The following PTPN1 variants were observed in gnomAD, a reference collection of about 807,000 sequenced individuals.
PTPN1 encodes the protein protein tyrosine phosphatase non-receptor type 1.
In PTPN1, 12 loss-of-function variants were observed where a neutral mutation model predicts 59.9. That is an observed-to-expected ratio of 0.20 (90% CI 0.13 to 0.32). The LOEUF is 0.32. Ranked by LOEUF, PTPN1 falls within the 10% of genes least tolerant of loss-of-function variation. The pLI is 1.00. For synonymous variants in PTPN1, 178 were observed against 203.6 expected, an observed-to-expected ratio of 0.87 and a Z score of 1.07; for missense variants, 356 against 549.2, an observed-to-expected ratio of 0.65 and a Z score of 3.52.
chr20:50,575,463 G>C (rs145145246), intron 5 of PTPN1, among the ~76,000 whole-genome samples: 6 of 152,202 alleles, frequency 3.9e-5, no homozygotes, highest in Non-Finnish European at 7.3e-5. Flanking sequence ...AGTTACCATG[G>C]GTGTGTAGCA....
chr20:50,561,486 T>C (rs762577379), intron 2 of PTPN1, 33 bp downstream of exon 2: 4 of 1,445,774 alleles, frequency 2.8e-6, no homozygotes, highest in African/African-American at 1.4e-5. Flanking sequence ...CCAGTCTTGC[T>C]CTTCCTTTGC....
At chr20:50,537,506 C>T (rs2082629349) in intron 1 of PTPN1, among the ~76,000 whole-genome samples, 1 of 152,174 alleles carries the variant, frequency 6.6e-6, no homozygotes, top group Non-Finnish European at 1.5e-5. Context: ...CAGTGTTACT[C>T]GTATCCACGT....
At chr20:50,556,135 T>C (rs1229701018) in intron 1 of PTPN1, among the ~76,000 whole-genome samples, 1 of 152,094 alleles carries the variant, frequency 6.6e-6, no homozygotes, top group Admixed American at 6.5e-5. Flanking sequence ...TTATTTACTC[T>C]TAGGTAGGTT....
intron 1 of PTPN1, among the ~76,000 whole-genome samples, chr20:50,530,688 A>ATT (rs1015765964): frequency 3.7e-4 from 50 of 135,784 alleles, no homozygotes; most frequent in African/African-American, 7.6e-4. Context: ...CGCCTGGCCA[A>ATT]TTTTTTTTTT....
intron 1 of PTPN1, among the ~76,000 whole-genome samples, chr20:50,556,339 C>G (rs533596889): frequency 2.0e-5 from 3 of 152,104 alleles, no homozygotes; most frequent in Admixed American, 1.3e-4. Context: ...CAGGTGCACG[C>G]CACCACACCC....
rs1568797597 is a variant in PTPN1, at chr20:50,578,638, GCCCTCGCGGGTGC to G, written c.702+12_702+24del. ...ATACCTGCCTCTTGCTGGTAAGGAG[GCCCTCGCGGGTGC>G]CCTGGGGAGCTCCTCTACCTGCTCT... On this transcript the variant is annotated intron_variant, in intron 6 of 9. Coordinates refer to ENST00000371621, the MANE Select transcript of PTPN1 (RefSeq NM_002827.4). The G allele has an allele frequency of 6.2e-7, 1 of 1,611,606 alleles. No homozygotes were observed. The highest frequency in any genetic ancestry group is 8.5e-7 in the Non-Finnish European group (1 of 1,178,188).
At position 50,555,346 on chromosome 20, in the gene PTPN1, A is replaced by G. The variant is rs150177621; in HGVS notation, c.64-6017A>G. ...GATGGTATGGAAAAAAATGTGAACAATACAAAGCAGACTGTGGTTGCCTTT... is the reference window on the plus strand; with the variant it reads ...GATGGTATGGAAAAAAATGTGAACAGTACAAAGCAGACTGTGGTTGCCTTT... On this transcript the variant is annotated intron_variant, in intron 1 of 9. Coordinates refer to ENST00000371621, the MANE Select transcript of PTPN1 (RefSeq NM_002827.4). Among the ~76,000 whole-genome samples the G allele has an allele frequency of 9.3e-4, 141 of 152,348 alleles. 1 individual carries two copies. The highest frequency in any genetic ancestry group is 8.5e-3 in the East Asian group (44 of 5,190).
intron 4 of PTPN1, chr20:50,571,664 C>T (rs1446704210): frequency 3.9e-5 from 6 of 152,162 alleles, no homozygotes; most frequent in Admixed American, 3.9e-4. Flanking sequence ...CCCTGGGCTT[C>T]CTGGAAACCA....
At chr20:50,511,481 A>G (rs1366105856) in intron 1 of PTPN1, among the ~76,000 whole-genome samples, 1 of 152,176 alleles carries the variant, frequency 6.6e-6, no homozygotes, top group Non-Finnish European at 1.5e-5. Context: ...CCATGATATT[A>G]TTCTTTCAGG....
In PTPN1 at chr20:50,562,624, A is replaced by C. The variant is rs530807146; in HGVS notation, c.154+1171A>C. ...GTTGTCTGTGGTGGGGATGGTTGTC[A>C]CCAACATCTGAAGTGCACTTCTAGG... On this transcript the variant is annotated intron_variant, in intron 2 of 9. Coordinates refer to ENST00000371621, the MANE Select transcript of PTPN1 (RefSeq NM_002827.4). Among the ~76,000 whole-genome samples the C allele has an allele frequency of 8.5e-5, 13 of 152,352 alleles. No homozygotes were observed. In the East Asian group the frequency reaches 2.5e-3, roughly 29 times the overall value.
intron 1 of PTPN1, among the ~76,000 whole-genome samples, chr20:50,559,877 GTTTTTGT>G (rs2082744170): frequency 1.4e-5 from 2 of 146,772 alleles, no homozygotes; most frequent in African/African-American, 5.0e-5. Flanking sequence ...TTTTTTTCTG[GTTTTTGT>G]TTTTTGTTTT....
At chr20:50,518,540 CTT>C (rs1379741145) in intron 1 of PTPN1, among the ~76,000 whole-genome samples, 3 of 152,120 alleles carry the variant, frequency 2.0e-5, no homozygotes, top group African/African-American at 4.8e-5. Flanking sequence ...TTGTGGCTAA[CTT>C]TTGCACAGAG....
At chr20:50,546,273 T>C (rs558441563) in intron 1 of PTPN1, among the ~76,000 whole-genome samples, 2 of 152,186 alleles carry the variant, frequency 1.3e-5, no homozygotes, top group East Asian at 3.9e-4. Flanking sequence ...TCAGTCGATA[T>C]TTGGATGAAT....
chr20:50,574,540 A>C lies in PTPN1; in HGVS notation c.378A>C (p.Pro126=). ...AGTTAAAATGCGCACAATACTGGCC[A>C]CAAAAAGAAGAAAAAGAGATGATCT... is the stretch of plus-strand genomic sequence containing the variant. ...KGSLKCAQYW[P]QKEEKEMIFE... Residue 126 remains proline, a synonymous_variant, in exon 5 of 10, where the codon CCA becomes CCC. Transcript: ENST00000371621. 6.2e-7 allele frequency: 1 copy of C among 1,604,620 alleles called. No homozygotes were observed. Among genetic ancestry groups the C allele is most frequent in the African/African-American group, 1.3e-5 (1 of 74,358 alleles).
chr20:50,562,765 C>T (rs1488242812), intron 2 of PTPN1, among the ~76,000 whole-genome samples: 1 of 152,180 alleles, frequency 6.6e-6, no homozygotes, highest in Non-Finnish European at 1.5e-5. Context: ...GGTGATTCTG[C>T]TGTGAAGTCC....
At chr20:50,554,693 A>G (rs2082718556) in intron 1 of PTPN1, among the ~76,000 whole-genome samples, 1 of 152,196 alleles carries the variant, frequency 6.6e-6, no homozygotes, top group South Asian at 2.1e-4. Context: ...ATAAGTGGAC[A>G]AATGCTGTTG....
At chr20:50,549,801 A>G (rs910182972) in intron 1 of PTPN1, among the ~76,000 whole-genome samples, 1 of 152,150 alleles carries the variant, frequency 6.6e-6, no homozygotes, top group African/African-American at 2.4e-5. Context: ...GATTTATTTC[A>G]TATTGCTTAT....
Position 50,561,398 on chromosome 20 carries a change from A to G in PTPN1, c.99A>G (p.Arg33=). The part of the protein sequence containing the change: ...IRHEASDFPC[R]VAKLPKNKNR... ...ATGAAGCCAGTGACTTCCCATGTAG[A>G]GTGGCCAAGCTTCCTAAGAACAAAA... is the stretch of plus-strand genomic sequence containing the variant. Residue 33 remains arginine (R), a synonymous_variant, in exon 2 of 10, where the codon AGA becomes AGG. Transcript: ENST00000371621. 6.2e-7 allele frequency: 1 copy of G among 1,613,424 alleles called. No individual in the cohort carries two copies. The highest frequency in any genetic ancestry group is 8.5e-7 in the Non-Finnish European group (1 of 1,179,646).
At chr20:50,539,081 G>T (rs1215056153) in intron 1 of PTPN1, among the ~76,000 whole-genome samples, 5 of 143,256 alleles carry the variant, frequency 3.5e-5, no homozygotes, top group Non-Finnish European at 6.0e-5. Context: ...TGTTGCCCAG[G>T]CTGGAGTGCA....
Sources: allele counts gnomAD v4.1 joint callset (sites outside exome capture counted in the v4.1 genomes callset), GRCh38; gene constraint gnomAD v4.1.1; transcripts MANE v1.5; gene names NCBI Gene and HGNC (gene_info 2026-07-23, HGNC 2026-07-21).